PCDHA6: variants seen among roughly 807,000 people sequenced by gnomAD.
PCDHA6 encodes protocadherin alpha 6.
In PCDHA6, 55 loss-of-function variants were observed where a neutral mutation model predicts 60.3. The observed-to-expected ratio is 0.91, with a 90% CI of 0.73 to 1.14. The LOEUF is 1.14. PCDHA6 is among the 50% of genes most tolerant of loss of function. PCDHA6 has a pLI of 0.00. For synonymous variants in PCDHA6, 652 were observed against 557.9 expected (o/e 1.17, Z -2.38); for missense variants, 1,327 against 1,256.5 (o/e 1.06, Z -0.85).
At chr5:140,970,775 C>T (rs2096433002) in intron 1 of PCDHA6, among the ~76,000 whole-genome samples, 1 of 152,160 alleles carries the variant, frequency 6.6e-6, no homozygotes, top group Non-Finnish European at 1.5e-5. Context: ...GCTGTACATA[C>T]ATATTGTATG....
intron 1 of PCDHA6, chr5:140,877,982 T>C (rs1320294784): frequency 1.6e-6 from 2 of 1,221,162 alleles, no homozygotes; most frequent in African/African-American, 3.1e-5. Context: ...CTTACTCATT[T>C]TGAACTTTTA....
intron 3 of PCDHA6, among the ~76,000 whole-genome samples, chr5:140,994,916 G>C (rs191112964): frequency 2.0e-5 from 3 of 152,332 alleles, no homozygotes; most frequent in Admixed American, 1.3e-4. Context: ...ACTGGAATCA[G>C]ATTTTGTAGG....
chr5:140,965,748 C>T (rs1010303564), intron 1 of PCDHA6, among the ~76,000 whole-genome samples: 1 of 152,174 alleles, frequency 6.6e-6, no homozygotes, highest in Non-Finnish European at 1.5e-5. Flanking sequence ...TCCCCATTGT[C>T]GCCAAAATGG....
chr5:140,948,076 A>G (rs1554218436), intron 1 of PCDHA6, among the ~76,000 whole-genome samples: 1 of 151,508 alleles, frequency 6.6e-6, no homozygotes, highest in Non-Finnish European at 1.5e-5. Flanking sequence ...ATTTTCTTTT[A>G]ATCTATTGAT....
intron 1 of PCDHA6, among the ~76,000 whole-genome samples, chr5:140,921,342 TA>T (rs1311011800): frequency 6.6e-6 from 1 of 152,188 alleles, no homozygotes; most frequent in African/African-American, 2.4e-5. Flanking sequence ...AATCACATAA[TA>T]TATTTGCCTA....
At chr5:140,902,367 T>C (rs2153476761) in intron 1 of PCDHA6, among the ~76,000 whole-genome samples, 1 of 152,142 alleles carries the variant, frequency 6.6e-6, no homozygotes, top group Middle Eastern at 3.4e-3. Flanking sequence ...TTCTCTTGTC[T>C]AATTGCTCTA....
intron 3 of PCDHA6, among the ~76,000 whole-genome samples, chr5:140,988,304 C>T (rs1554250029): frequency 6.6e-6 from 1 of 152,308 alleles, no homozygotes; most frequent in African/African-American, 2.4e-5. Flanking sequence ...GGAGTGCCAG[C>T]TTGGCTTGGC....
At chr5:140,930,413 G>A (rs1461655739) in intron 1 of PCDHA6, 1 of 151,722 alleles carries the variant, frequency 6.6e-6, no homozygotes, top group Non-Finnish European at 1.5e-5. Flanking sequence ...TTTGAGACAG[G>A]GGTCTCACTA....
At position 140,877,908 on chromosome 5, in the gene PCDHA6, T is replaced by C; in HGVS notation, c.2394+47423T>C. On this transcript the variant is annotated intron_variant, in intron 1 of 3. Coordinates refer to ENST00000529310, the MANE Select transcript of PCDHA6 (RefSeq NM_018909.4). The stretch of plus-strand genomic sequence containing the variant: ...ACTTCCGTTTAGGTTATAACTACAT[T>C]CTCTCATTTTTCTTTATGATTCTAT... 3 of 1,433,546 alleles carry C rather than the reference T, an allele frequency of 2.1e-6. No homozygotes were observed. The South Asian group carries it at 4.7e-5, about 22-fold the overall frequency. 88.8% of individuals were successfully genotyped at this position (1,433,546 alleles called of 1,614,324 possible).
In PCDHA6 at chr5:140,981,860, A is replaced by C. The variant is rs377325751; in HGVS notation, c.2454-615A>C. On this transcript the variant is annotated intron_variant, in intron 2 of 3. Coordinates refer to ENST00000529310, the MANE Select transcript of PCDHA6 (RefSeq NM_018909.4). ...TCCCAGTTTGTATCTCACTCCCAGC[A>C]ATGTTTTATGCTGAATTAATCTCTT... Among the ~76,000 whole-genome samples the C allele has an allele frequency of 1.1e-3, 166 of 152,246 alleles. 1 individual carries two copies. The highest frequency in any genetic ancestry group is 3.9e-3 in the African/African-American group (160 of 41,532).
chr5:140,978,906 T>C, intron 1 of PCDHA6, 43 bp from the exon 2 acceptor site: 1 of 1,613,530 alleles, frequency 6.2e-7, no homozygotes, highest in Non-Finnish European at 8.5e-7. Flanking sequence ...GGGAGAACAT[T>C]GTCTTGTCAT....
intron 1 of PCDHA6, among the ~76,000 whole-genome samples, chr5:140,976,448 G>C (rs2096716831): frequency 6.6e-6 from 1 of 152,148 alleles, no homozygotes; most frequent in Non-Finnish European, 1.5e-5. Context: ...CTACTAGGGA[G>C]GCTGGGGAAG....
intron 1 of PCDHA6, chr5:140,928,747 C>T (rs781895762): frequency 2.5e-6 from 4 of 1,614,132 alleles, no homozygotes; most frequent in African/African-American, 2.7e-5. Context: ...AGGTGAGCTC[C>T]GTACTGCTCG....
intron 1 of PCDHA6, chr5:140,858,035 A>T: frequency 6.3e-7 from 1 of 1,597,220 alleles, no homozygotes; most frequent in East Asian, 2.2e-5. Context: ...GGCCACGGCC[A>T]CTGTGCTTGT....
At chr5:140,889,415 G>A (rs192243576) in intron 1 of PCDHA6, among the ~76,000 whole-genome samples, 212 of 152,058 alleles carry the variant, frequency 1.4e-3, no homozygotes, top group African/African-American at 5.0e-3. Flanking sequence ...AGTCAGTTAC[G>A]TAGATAATAT....
intron 1 of PCDHA6, chr5:140,853,622 T>C: frequency 2.0e-6 from 2 of 988,456 alleles, no homozygotes; most frequent in Non-Finnish European, 2.4e-6. Context: ...TAAATAAGTA[T>C]ACAAGATCAC....
intron 1 of PCDHA6, among the ~76,000 whole-genome samples, chr5:140,932,087 A>G (rs1262295013): frequency 6.6e-6 from 1 of 151,918 alleles, no homozygotes; most frequent in African/African-American, 2.4e-5. Flanking sequence ...TCAGGAAAAC[A>G]TGGTTTTTAT....
At chr5:140,998,738 A>G (rs1163158052) in intron 3 of PCDHA6, among the ~76,000 whole-genome samples, 1 of 151,972 alleles carries the variant, frequency 6.6e-6, no homozygotes, top group Non-Finnish European at 1.5e-5. Context: ...CTAATTTTGT[A>G]TTTTTAGAAG....
intron 1 of PCDHA6, among the ~76,000 whole-genome samples, chr5:140,893,186 T>C (rs2063863300): frequency 6.6e-6 from 1 of 152,230 alleles, no homozygotes; most frequent in Admixed American, 6.5e-5. Context: ...GTAGCTATTG[T>C]GAATAGTGCT....
Sources: gnomAD v4.1 joint callset for allele counts (sites outside exome capture counted in the v4.1 genomes callset) on GRCh38, gnomAD v4.1.1 for gene constraint, MANE v1.5 for transcripts, NCBI Gene and HGNC (gene_info 2026-07-23, HGNC 2026-07-21) for gene names.